Variants in RAB2A observed in about 807,000 individuals in gnomAD.
RAB2A encodes RAB2A, member RAS oncogene family.
In RAB2A, 7 loss-of-function variants were observed where a neutral mutation model predicts 32.5. The ratio of observed to expected loss-of-function variants is 0.22; its 90% confidence interval spans 0.12 to 0.40. The LOEUF is 0.40. Among genes scored for constraint, RAB2A ranks in the 10% least tolerant of loss-of-function variants. The pLI is 1.00. For synonymous variants in RAB2A, 79 were observed against 85.2 expected, an observed-to-expected ratio of 0.93 and a Z score of 0.40; for missense variants, 108 against 260.7, an observed-to-expected ratio of 0.41 and a Z score of 4.03.
chr8:60,607,292 G>A (rs1186656741), intron 6 of RAB2A, among the ~76,000 whole-genome samples: 1 of 151,488 alleles, frequency 6.6e-6, no homozygotes, highest in African/African-American at 2.4e-5. Context: ...AGCCGGGCGT[G>A]GTGGCAGGCA....
At chr8:60,543,095 C>T (rs1807672264) in intron 1 of RAB2A, among the ~76,000 whole-genome samples, 1 of 152,164 alleles carries the variant, frequency 6.6e-6, no homozygotes, top group Non-Finnish European at 1.5e-5. Flanking sequence ...TAGACAGAAT[C>T]AACAAGACTG....
At chr8:60,572,291 A>G (rs551572546) in intron 3 of RAB2A, among the ~76,000 whole-genome samples, 178 bp downstream of exon 3, 2 of 152,298 alleles carry the variant, frequency 1.3e-5, no homozygotes, top group South Asian at 2.1e-4. Flanking sequence ...ACTGTTTTCA[A>G]TAGATGGGCC....
At chr8:60,605,980 C>T (rs1804224710) in intron 6 of RAB2A, among the ~76,000 whole-genome samples, 2 of 151,958 alleles carry the variant, frequency 1.3e-5, no homozygotes, top group South Asian at 2.1e-4. Flanking sequence ...GAAACCTCAT[C>T]TGTACTAAAA....
intron 5 of RAB2A, among the ~76,000 whole-genome samples, chr8:60,589,286 A>T (rs1295328288): frequency 6.6e-6 from 1 of 152,234 alleles, no homozygotes; most frequent in East Asian, 1.9e-4. Flanking sequence ...ATAGTATGTA[A>T]ACGAGATGTT....
chr8:60,587,131 A>G (rs1010952306), intron 5 of RAB2A, among the ~76,000 whole-genome samples: 2 of 152,182 alleles, frequency 1.3e-5, no homozygotes, highest in Non-Finnish European at 2.9e-5. Flanking sequence ...GATTTATTAT[A>G]CTATAGTCAA....
intron 6 of RAB2A, among the ~76,000 whole-genome samples, chr8:60,615,766 G>T (rs79050268): frequency 8.5e-4 from 129 of 152,230 alleles, no homozygotes; most frequent in African/African-American, 2.9e-3. Context: ...TTGTTTGTGT[G>T]TGTGTGCAAA....
chr8:60,616,728 G>T (rs545754200), intron 6 of RAB2A, among the ~76,000 whole-genome samples: 20 of 152,238 alleles, frequency 1.3e-4, no homozygotes, highest in African/African-American at 4.6e-4. Context: ...GTGATGATTC[G>T]ATCAGCCACT....
chr8:60,612,226 G>C (rs1320411221), intron 6 of RAB2A, among the ~76,000 whole-genome samples: 1 of 152,142 alleles, frequency 6.6e-6, no homozygotes. Flanking sequence ...AGAATATGCA[G>C]TGTTTGGTTT....
chr8:60,541,839 AGTCCAC>A (rs1807650520), intron 1 of RAB2A, among the ~76,000 whole-genome samples: 1 of 152,180 alleles, frequency 6.6e-6, no homozygotes, highest in Non-Finnish European at 1.5e-5. Flanking sequence ...GGTTTCCTGG[AGTCCAC>A]GTCACACCCA....
At chr8:60,581,009 CT>C (rs1386623673) in intron 3 of RAB2A, among the ~76,000 whole-genome samples, 1 of 152,106 alleles carries the variant, frequency 6.6e-6, no homozygotes, top group Admixed American at 6.6e-5. Flanking sequence ...AAATATGTAT[CT>C]TTTTTGTATT....
chr8:60,603,824 C>T (rs1368396450), intron 6 of RAB2A, among the ~76,000 whole-genome samples: 3 of 152,050 alleles, frequency 2.0e-5, no homozygotes, highest in Non-Finnish European at 2.9e-5. Context: ...AGTTCAAGAC[C>T]AGCCTAGCCA....
At chr8:60,582,164 G>A (rs1200934481) in intron 3 of RAB2A, among the ~76,000 whole-genome samples, 1 of 151,980 alleles carries the variant, frequency 6.6e-6, no homozygotes, top group East Asian at 1.9e-4. Context: ...AGCCAGGCTG[G>A]TTTTGAACTC....
intron 1 of RAB2A, among the ~76,000 whole-genome samples, chr8:60,546,229 A>G (rs1284173712): frequency 6.6e-6 from 1 of 152,214 alleles, no homozygotes; most frequent in Non-Finnish European, 1.5e-5. Flanking sequence ...TCTCAGGGTA[A>G]TTCTTTGTGT....
At chr8:60,602,302 G>A (rs923874941) in intron 6 of RAB2A, among the ~76,000 whole-genome samples, 2 of 152,074 alleles carry the variant, frequency 1.3e-5, no homozygotes, top group Non-Finnish European at 2.9e-5. Context: ...CATTTGTTGA[G>A]CAAATGCCAG....
intron 2 of RAB2A, among the ~76,000 whole-genome samples, chr8:60,565,399 A>G (rs1295715981): frequency 7.5e-5 from 11 of 145,968 alleles, no homozygotes; most frequent in Non-Finnish European, 1.6e-4. Flanking sequence ...AGCCTGGGCA[A>G]CAGAGCAAGA....
chr8:60,534,872 A>C (rs1039466798), intron 1 of RAB2A, among the ~76,000 whole-genome samples: 9 of 147,012 alleles, frequency 6.1e-5, no homozygotes, highest in Admixed American at 6.1e-4. Flanking sequence ...TCTACCCTTA[A>C]CTCAGATATT....
chr8:60,617,016 G>A (rs1804459130), intron 6 of RAB2A, among the ~76,000 whole-genome samples: 1 of 152,108 alleles, frequency 6.6e-6, no homozygotes, highest in African/African-American at 2.4e-5. Context: ...CTTTAAATTA[G>A]GTCTGTATCA....
chr8:60,561,226 A>C (rs778191208), intron 2 of RAB2A, among the ~76,000 whole-genome samples: 2 of 152,204 alleles, frequency 1.3e-5, no homozygotes, highest in Admixed American at 1.3e-4. Context: ...ACTGTAACCA[A>C]GTCCCTACAT....
chr8:60,528,866 G>A (rs1807433149), intron 1 of RAB2A, among the ~76,000 whole-genome samples: 1 of 152,208 alleles, frequency 6.6e-6, no homozygotes, highest in South Asian at 2.1e-4. Context: ...GTGAGTTACT[G>A]TGCTTGGCTC....
Sources: allele counts gnomAD v4.1 joint callset (sites outside exome capture counted in the v4.1 genomes callset), GRCh38; gene constraint gnomAD v4.1.1; transcripts MANE v1.5; gene names NCBI Gene and HGNC (gene_info 2026-07-23, HGNC 2026-07-21).